Variants in PDE1C observed in about 807,000 individuals in gnomAD.
The protein encoded by PDE1C is phosphodiesterase 1C, also known as dual specificity calcium/calmodulin-dependent 3',5'-cyclic nucleotide phosphodiesterase 1C.
In PDE1C, 62 loss-of-function variants were observed where a neutral mutation model predicts 93.1. The observed-to-expected ratio is 0.67, with a 90% confidence interval of 0.54 to 0.82. The LOEUF (loss-of-function observed/expected upper bound fraction) is 0.82, where lower values mean the gene tolerates loss of function less well. Among genes scored for constraint, PDE1C ranks in the 40% least tolerant of loss-of-function variants. The probability of loss-of-function intolerance (pLI) is 0.00; values close to 1 mark genes in which losing one functional copy is unlikely to be tolerated. For missense variants in PDE1C, 742 were observed against 884.6 expected (o/e 0.84, Z 2.04); for synonymous variants, 325 against 310.1 (o/e 1.05, Z -0.50).
At chr7:32,018,007 G>T (rs566065473) in intron 2 of PDE1C, among the ~76,000 whole-genome samples, 2 of 151,910 alleles carry the variant, frequency 1.3e-5, no homozygotes, top group Non-Finnish European at 2.9e-5. Flanking sequence ...TTGAGCCCGG[G>T]AAGTGGAGGT....
chr7:32,407,124 A>C (rs1785069244), intron 1 of PDE1C, among the ~76,000 whole-genome samples: 21 of 152,056 alleles, frequency 1.4e-4, no homozygotes, highest in Admixed American at 1.4e-3. Context: ...AAATGCAAAA[A>C]ATTATCGGGG....
chr7:31,903,228 A>T (rs1800197597), intron 2 of PDE1C, among the ~76,000 whole-genome samples: 1 of 151,978 alleles, frequency 6.6e-6, no homozygotes, highest in Non-Finnish European at 1.5e-5. Context: ...AATTTTGCAA[A>T]TGGGAGTCAT....
intron 2 of PDE1C, among the ~76,000 whole-genome samples, chr7:32,183,981 G>T (rs919030613): frequency 6.6e-6 from 1 of 152,052 alleles, no homozygotes; most frequent in Non-Finnish European, 1.5e-5. Flanking sequence ...TCAAAAAGTG[G>T]GCAAAGGATA....
chr7:32,289,529 A>G (rs538194629), intron 1 of PDE1C, among the ~76,000 whole-genome samples: 1 of 152,204 alleles, frequency 6.6e-6, no homozygotes, highest in Non-Finnish European at 1.5e-5. Flanking sequence ...CACCATATAC[A>G]CTACAAAAAT....
intron 7 of PDE1C, among the ~76,000 whole-genome samples, chr7:31,863,894 T>C (rs1794967320): frequency 6.6e-6 from 1 of 152,176 alleles, no homozygotes; most frequent in Admixed American, 6.5e-5. Context: ...CCACTGTATC[T>C]AGCTCCAAAG....
rs144885389 is a variant in PDE1C at position 32,370,180 on chromosome 7, T to A, written c.310+57642A>T. ...AAACGATGAGTTCTGCCGGGCGCAG[T>A]GGCTCACGCCTGTAATCCCAGCACT... is the stretch of plus-strand genomic sequence containing the variant. On this transcript the variant is annotated intron_variant, in intron 1 of 1. Coordinates refer to the PDE1C transcript ENST00000672256. 4.5e-4 allele frequency among the ~76,000 whole-genome samples: 69 copies of A among 152,312 alleles called. 1 individual carries two copies. The East Asian group carries it at 0.013, about 29-fold the overall frequency.
intron 2 of PDE1C, among the ~76,000 whole-genome samples, chr7:31,923,726 A>G (rs965485055): frequency 6.6e-6 from 1 of 152,148 alleles, no homozygotes; most frequent in Admixed American, 6.5e-5. Context: ...CTATAATCCC[A>G]TGTTGGAGAG....
intron 1 of PDE1C, among the ~76,000 whole-genome samples, chr7:32,239,745 G>A (rs531680442): frequency 5.3e-4 from 80 of 152,312 alleles, no homozygotes; most frequent in Non-Finnish European, 8.2e-4. Flanking sequence ...AGAGAGCTCT[G>A]ACTATATTTG....
At chr7:32,319,316 G>A (rs1783238774) in intron 1 of PDE1C, among the ~76,000 whole-genome samples, 1 of 152,106 alleles carries the variant, frequency 6.6e-6, no homozygotes, top group Non-Finnish European at 1.5e-5. Flanking sequence ...CCCTGCCCCT[G>A]CCCCTTGACT....
intron 1 of PDE1C, among the ~76,000 whole-genome samples, chr7:32,053,717 G>A (rs903778742): frequency 6.6e-6 from 1 of 152,030 alleles, no homozygotes; most frequent in Admixed American, 6.6e-5. Flanking sequence ...AGGCACTGCT[G>A]GGAGTTCTGA....
chr7:31,810,946 A>G (rs1391819533), intron 15 of PDE1C, among the ~76,000 whole-genome samples: 1 of 152,144 alleles, frequency 6.6e-6, no homozygotes, highest in African/African-American at 2.4e-5. Context: ...TTTGACAAAT[A>G]CTAAGCTAAG....
At chr7:32,313,206 A>G (rs1783091826) in intron 1 of PDE1C, among the ~76,000 whole-genome samples, 2 of 152,206 alleles carry the variant, frequency 1.3e-5, no homozygotes, top group Admixed American at 1.3e-4. Context: ...ACAATGAGAT[A>G]CCATCTCACA....
chr7:31,695,396 G>A, the PDE1C span: 6 of 1,407,998 alleles, frequency 4.3e-6, no homozygotes, highest in Non-Finnish European at 4.8e-6. Context: ...AGTGCAATTA[G>A]GAACCAAACA....
At chr7:31,733,936 G>A in the PDE1C span, among the ~76,000 whole-genome samples, 34,429 of 152,028 alleles carry the variant, frequency 0.23, 5,715 homozygotes, top group African/African-American at 0.45. Context: ...CCTGGGAGGC[G>A]GAGGTTGCAG....
intron 2 of PDE1C, among the ~76,000 whole-genome samples, chr7:31,992,667 T>A (rs1036384352): frequency 6.6e-6 from 1 of 152,246 alleles, no homozygotes; most frequent in Non-Finnish European, 1.5e-5. Flanking sequence ...CAGAGCTCAG[T>A]TTCAATGGCT....
At chr7:31,680,234 C>G in the PDE1C span, among the ~76,000 whole-genome samples, 285 of 152,264 alleles carry the variant, frequency 1.9e-3, 1 homozygote, top group Non-Finnish European at 3.1e-3. Context: ...CATACAATTG[C>G]CAGATGTCCA....
At chr7:31,925,299 C>T (rs956560645) in intron 2 of PDE1C, among the ~76,000 whole-genome samples, 26 of 152,042 alleles carry the variant, frequency 1.7e-4, no homozygotes, top group Non-Finnish European at 3.7e-4. Context: ...CAGCCAGATG[C>T]CCCTACCCAT....
chr7:32,333,300 T>C (rs1228406849), intron 1 of PDE1C, among the ~76,000 whole-genome samples: 2 of 152,204 alleles, frequency 1.3e-5, no homozygotes, highest in Non-Finnish European at 2.9e-5. Flanking sequence ...CTCCCAACTT[T>C]TGGCTGTATT....
chr7:31,715,489 T>C, the PDE1C span, among the ~76,000 whole-genome samples: 1 of 152,214 alleles, frequency 6.6e-6, no homozygotes, highest in Admixed American at 6.5e-5. Flanking sequence ...TCTGCCTGTC[T>C]TGGTCTCCCA....
Sources: allele counts gnomAD v4.1 joint callset (sites outside exome capture counted in the v4.1 genomes callset), GRCh38; gene constraint gnomAD v4.1.1; transcripts MANE v1.5; gene names NCBI Gene and HGNC (gene_info 2026-07-23, HGNC 2026-07-21).